The following FHIP1A variants were observed in gnomAD, a reference collection of about 807,000 sequenced individuals.
FHIP1A encodes the protein FHF complex subunit HOOK interacting protein 1A.
A neutral mutation model predicts 88.6 loss-of-function variants in FHIP1A; 61 were observed. That is an observed-to-expected ratio of 0.69 (90% CI 0.56 to 0.85). The LOEUF (loss-of-function observed/expected upper bound fraction) is 0.85, where lower values mean the gene tolerates loss of function less well. Ranked by LOEUF, FHIP1A falls within the 40% of genes least tolerant of loss-of-function variation. The probability of loss-of-function intolerance (pLI) is 0.00; values close to 1 mark genes in which losing one functional copy is unlikely to be tolerated. For synonymous variants in FHIP1A, 478 were observed against 496.0 expected (o/e 0.96, Z 0.48); for missense variants, 1,154 against 1,273.5 (o/e 0.91, Z 1.43).
intron 8 of FHIP1A, among the ~76,000 whole-genome samples, chr4:151,630,524 T>A (rs1736117367): frequency 1.3e-5 from 2 of 152,140 alleles, no homozygotes; most frequent in African/African-American, 4.8e-5. Context: ...ATTTCTATAT[T>A]TCACTAGAGC....
At chr4:151,452,344 A>G (rs540805335) in intron 1 of FHIP1A, among the ~76,000 whole-genome samples, 9 of 152,296 alleles carry the variant, frequency 5.9e-5, no homozygotes, top group African/African-American at 2.2e-4. Context: ...GAAAATATGG[A>G]CACCTTAGTG....
chr4:151,564,702 G>T (rs1733312734), intron 3 of FHIP1A, among the ~76,000 whole-genome samples: 1 of 152,286 alleles, frequency 6.6e-6, no homozygotes, highest in Admixed American at 6.5e-5. Context: ...CACACAGGCA[G>T]TTTTCCTGGA....
At chr4:151,538,196 G>A (rs1212779038) in intron 3 of FHIP1A, among the ~76,000 whole-genome samples, 4 of 152,046 alleles carry the variant, frequency 2.6e-5, no homozygotes, top group African/African-American at 9.7e-5. Context: ...TTTCATCCTG[G>A]CTCTTCCCCT....
intron 7 of FHIP1A, among the ~76,000 whole-genome samples, chr4:151,606,530 C>T (rs61630225): frequency 0.11 from 17,313 of 152,144 alleles, 1,031 homozygotes; most frequent in African/African-American, 0.13. Context: ...GAGCCCCAAA[C>T]GAGGCACCAT....
chr4:151,566,482 G>A, intron 4 of FHIP1A, 118 bp downstream of exon 4: 1 of 632,682 alleles, frequency 1.6e-6, no homozygotes, highest in Non-Finnish European at 2.8e-6. Flanking sequence ...ACACAGGGAG[G>A]GAAACTCTTT....
chr4:151,425,663 C>A, intron 1 of FHIP1A, among the ~76,000 whole-genome samples: 1 of 152,104 alleles, frequency 6.6e-6, no homozygotes, highest in Non-Finnish European at 1.5e-5. Flanking sequence ...TTTATTCTGT[C>A]ATAGTTTTGG....
At chr4:151,536,128 A>T (rs550722112) in intron 3 of FHIP1A, among the ~76,000 whole-genome samples, 1 of 152,266 alleles carries the variant, frequency 6.6e-6, no homozygotes, top group South Asian at 2.1e-4. Context: ...CCCAATAAAA[A>T]TGTTTATTGG....
rs577132070 is a variant in FHIP1A, at chr4:151,439,221, A to G, written c.-355-15480A>G. Among the ~76,000 whole-genome samples the G allele has an allele frequency of 2.0e-5, 3 of 152,284 alleles. No homozygotes were observed. The East Asian group carries it at 5.8e-4, about 29-fold the overall frequency. On this transcript the variant is annotated intron_variant, in intron 1 of 13. Transcript: ENST00000435205. ...TATATGAAGTTATGCATAAATAATT[A>G]AAAGAGGATGGCTTGGCATTAAAAG... is the stretch of plus-strand genomic sequence containing the variant.
At chr4:151,431,663 G>A (rs1733598024) in intron 1 of FHIP1A, among the ~76,000 whole-genome samples, 1 of 152,170 alleles carries the variant, frequency 6.6e-6, no homozygotes, top group South Asian at 2.1e-4. Flanking sequence ...CTGCAATGCT[G>A]TAAGGTCATG....
At chr4:151,446,484 C>CTT (rs372904502) in intron 1 of FHIP1A, among the ~76,000 whole-genome samples, 17,442 of 136,396 alleles carry the variant, frequency 0.13, 1,290 homozygotes, top group African/African-American at 0.19. Flanking sequence ...TTTCCTTTTC[C>CTT]TTTTTTTTTT....
chr4:151,563,713 G>C (rs1446601044), intron 3 of FHIP1A, among the ~76,000 whole-genome samples: 3 of 152,084 alleles, frequency 2.0e-5, no homozygotes, highest in Non-Finnish European at 2.9e-5. Flanking sequence ...ACTTGTGCTG[G>C]GCATGGTGGC....
chr4:151,486,399 G>A (rs941420993), intron 3 of FHIP1A, among the ~76,000 whole-genome samples: 6 of 152,154 alleles, frequency 3.9e-5, no homozygotes, highest in African/African-American at 1.4e-4. Flanking sequence ...AAGAAGCAGA[G>A]AATTTTTCCT....
intron 3 of FHIP1A, among the ~76,000 whole-genome samples, chr4:151,494,991 G>C (rs752984042): frequency 2.6e-5 from 4 of 152,050 alleles, no homozygotes; most frequent in Non-Finnish European, 5.9e-5. Flanking sequence ...GGATGTTATT[G>C]GTGTGTGGAA....
intron 3 of FHIP1A, among the ~76,000 whole-genome samples, chr4:151,564,955 T>A (rs910133680): frequency 6.6e-6 from 1 of 152,112 alleles, no homozygotes; most frequent in African/African-American, 2.4e-5. Context: ...CACAAGGAAC[T>A]TAACCCCTGA....
At chr4:151,525,444 G>C (rs1193169884) in intron 3 of FHIP1A, among the ~76,000 whole-genome samples, 2 of 152,246 alleles carry the variant, frequency 1.3e-5, no homozygotes, top group Non-Finnish European at 2.9e-5. Flanking sequence ...GGGAGGTAGA[G>C]CAGCCAGGCT....
At chr4:151,486,439 A>G (rs1002695065) in intron 3 of FHIP1A, among the ~76,000 whole-genome samples, 2 of 152,142 alleles carry the variant, frequency 1.3e-5, no homozygotes, top group Admixed American at 6.5e-5. Flanking sequence ...TTGATTCAAT[A>G]CGTCTTGGAT....
intron 1 of FHIP1A, among the ~76,000 whole-genome samples, chr4:151,430,800 C>T (rs1180077471): frequency 6.6e-6 from 1 of 152,142 alleles, no homozygotes; most frequent in Non-Finnish European, 1.5e-5. Flanking sequence ...CAACATGATA[C>T]GATGCTTTCA....
At chr4:151,655,518 C>T (rs1472110067) in intron 11 of FHIP1A, among the ~76,000 whole-genome samples, 3 of 152,082 alleles carry the variant, frequency 2.0e-5, no homozygotes, top group Non-Finnish European at 2.9e-5. Flanking sequence ...TGTGACATGC[C>T]GAACTGTATC....
intron 7 of FHIP1A, among the ~76,000 whole-genome samples, chr4:151,591,186 T>C (rs980599314): frequency 2.0e-5 from 3 of 151,988 alleles, no homozygotes; most frequent in African/African-American, 7.2e-5. Flanking sequence ...TGGCTCCTTA[T>C]GTGGTTGATG....
Sources: allele counts gnomAD v4.1 joint callset (sites outside exome capture counted in the v4.1 genomes callset), GRCh38; gene constraint gnomAD v4.1.1; transcripts MANE v1.5; gene names NCBI Gene and HGNC (gene_info 2026-07-23, HGNC 2026-07-21).